LRP2: variants seen among roughly 807,000 people sequenced by gnomAD.
LRP2 encodes LDL receptor related protein 2, also known as low-density lipoprotein receptor-related protein 2.
Under a neutral mutation model 531.0 loss-of-function variants are expected in LRP2, and 172 were observed. The ratio of observed to expected loss-of-function variants is 0.32; its 90% CI spans 0.29 to 0.37. The LOEUF (loss-of-function observed/expected upper bound fraction) is 0.37. Among genes scored for constraint, LRP2 ranks in the 10% least tolerant of loss-of-function variants. The probability of loss-of-function intolerance (pLI) is 1.00; values close to 1 mark genes in which losing one functional copy is unlikely to be tolerated. For synonymous variants in LRP2, 1,992 were observed against 2,027.6 expected (o/e 0.98, Z 0.47); for missense variants, 5,167 against 5,868.3 (o/e 0.88, Z 3.90).
rs774569312 is a variant in LRP2, at chr2:169,139,385, TAGC to T, written c.13268-17_13268-15del. 12 of 1,613,988 alleles carry T rather than the reference TAGC, an allele frequency of 7.4e-6. No individual in the cohort carries two copies. Among genetic ancestry groups the T allele is most frequent in the African/African-American group, 2.7e-5 (2 of 74,896 alleles). Reference sequence around the variant, plus strand: ...CAGCTACTGCGGCTATAGAAGAAGATAGCAGAGAGCACATCAACACATGGGAGC... The same window carrying T: ...CAGCTACTGCGGCTATAGAAGAAGATAGAGAGCACATCAACACATGGGAGC... On this transcript the variant is annotated splice_polypyrimidine_tract_variant and intron_variant, in intron 73 of 78. Coordinates refer to ENST00000649046, the MANE Select transcript of LRP2 (RefSeq NM_004525.3).
intron 48 of LRP2, among the ~76,000 whole-genome samples, chr2:169,191,547 T>C (rs1687828061): frequency 6.6e-6 from 1 of 152,068 alleles, no homozygotes. Context: ...TAATTTTAAA[T>C]TGTTAATATG....
chr2:169,308,131 C>T (rs116738609), intron 3 of LRP2, among the ~76,000 whole-genome samples: 2,060 of 152,060 alleles, frequency 0.014, 52 homozygotes, highest in African/African-American at 0.048. Flanking sequence ...TGGGGGAAAA[C>T]GTGATCATCT....
Position 169,222,056 on chromosome 2 carries a change from A to G in LRP2, c.5539-1493T>C, listed in dbSNP as rs114027548. Among the ~76,000 whole-genome samples the G allele has an allele frequency of 7.8e-3, 1,188 of 152,308 alleles. 11 individuals are homozygous for G. Among genetic ancestry groups the G allele is most frequent in the African/African-American group, 0.027 (1,125 of 41,570 alleles). ...TTGGAGTTAAACACGAACTACTCTTAGGCAGGAAGGAATATTATACAGGTA... is the reference window on the plus strand; with the variant it reads ...TTGGAGTTAAACACGAACTACTCTTGGGCAGGAAGGAATATTATACAGGTA... On this transcript the variant is annotated intron_variant, in intron 33 of 78. Coordinates refer to ENST00000649046, the MANE Select transcript of LRP2 (RefSeq NM_004525.3).
chr2:169,314,672 T>C (rs962391873), intron 3 of LRP2, among the ~76,000 whole-genome samples: 1 of 152,232 alleles, frequency 6.6e-6, no homozygotes, highest in African/African-American at 2.4e-5. Context: ...AGCCTACTTC[T>C]AACACTAAAT....
At chr2:169,188,609 C>T (rs1687719835) in intron 48 of LRP2, among the ~76,000 whole-genome samples, 1 of 152,066 alleles carries the variant, frequency 6.6e-6, no homozygotes, top group African/African-American at 2.4e-5. Flanking sequence ...AGTTGATAAA[C>T]TAATTAAATA....
intron 16 of LRP2, among the ~76,000 whole-genome samples, chr2:169,266,392 C>T (rs958117162): frequency 6.6e-6 from 1 of 151,744 alleles, no homozygotes; most frequent in African/African-American, 2.4e-5. Context: ...GGAGGGTGGG[C>T]AATATGGTTT....
At chr2:169,196,847 G>A in intron 46 of LRP2, 64 bp downstream of exon 46, 1 of 1,608,918 alleles carries the variant, frequency 6.2e-7, no homozygotes, top group Non-Finnish European at 8.5e-7. Context: ...ATTTGAAGCA[G>A]TTGGAAGAGA....
chr2:169,144,942 T>G (rs940732632), intron 70 of LRP2, among the ~76,000 whole-genome samples: 1 of 152,198 alleles, frequency 6.6e-6, no homozygotes, highest in South Asian at 2.1e-4. Flanking sequence ...TTGGATAGAA[T>G]TGAACCTAAA....
At chr2:169,180,042 A>C (rs967155180) in intron 52 of LRP2, among the ~76,000 whole-genome samples, 3 of 152,200 alleles carry the variant, frequency 2.0e-5, no homozygotes, top group Admixed American at 6.5e-5. Flanking sequence ...AGTGAACAGA[A>C]TATTGTGTAA....
At chr2:169,326,051 T>TA (rs1685040357) in intron 1 of LRP2, among the ~76,000 whole-genome samples, 1 of 151,758 alleles carries the variant, frequency 6.6e-6, no homozygotes, top group Admixed American at 6.6e-5. Context: ...AAGCCACAAA[T>TA]AAATTCATAA....
intron 4 of LRP2, among the ~76,000 whole-genome samples, chr2:169,302,480 C>T (rs2105484427): frequency 6.6e-6 from 1 of 152,196 alleles, no homozygotes; most frequent in Non-Finnish European, 1.5e-5. Flanking sequence ...TTGACAACGT[C>T]CAGAGACATT....
chr2:169,343,530 G>A (rs1005017583), intron 1 of LRP2, among the ~76,000 whole-genome samples: 3 of 152,160 alleles, frequency 2.0e-5, no homozygotes, highest in Admixed American at 2.0e-4. Flanking sequence ...CAAGTGCCAG[G>A]ACCTTGCATG....
intron 52 of LRP2, among the ~76,000 whole-genome samples, chr2:169,178,954 AG>A (rs1284038336): frequency 4.6e-5 from 7 of 152,152 alleles, no homozygotes; most frequent in Non-Finnish European, 4.4e-5. Context: ...ATAAGGATGC[AG>A]GTAAATGACC....
chr2:169,195,364 T>C (rs1343186669), intron 46 of LRP2, among the ~76,000 whole-genome samples: 1 of 152,156 alleles, frequency 6.6e-6, no homozygotes, highest in Non-Finnish European at 1.5e-5. Context: ...TAAAGTAAGA[T>C]ATATAAAAGA....
At chr2:169,305,829 A>G (rs1289536044) in intron 4 of LRP2, among the ~76,000 whole-genome samples, 1 of 152,196 alleles carries the variant, frequency 6.6e-6, no homozygotes, top group Non-Finnish European at 1.5e-5. Context: ...CTATGTTTAC[A>G]TATGTTTAGC....
chr2:169,336,885 T>A (rs1685420224), intron 1 of LRP2, among the ~76,000 whole-genome samples: 1 of 152,066 alleles, frequency 6.6e-6, no homozygotes, highest in South Asian at 2.1e-4. Context: ...CTGGGAAGAG[T>A]TATGTTCACT....
At position 169,152,873 on chromosome 2, in the gene LRP2, A is replaced by G; in HGVS notation, c.12387T>C (p.Asn4129=). ...YIPNFESGRN[N]LVQEVDLKLK... ...GTTTCAGGTCAACTTCCTGCACAAG[A>G]TTATTGCGGCCGGATTCAAAGTTGG... Residue 4129 remains asparagine (N), a synonymous_variant, in exon 67 of 79, where the codon AAT becomes AAC. Transcript: ENST00000649046. The G allele has an allele frequency of 1.9e-6, 3 of 1,614,052 alleles. No individual in the cohort carries two copies. Among genetic ancestry groups the G allele is most frequent in the Non-Finnish European group, 2.5e-6 (3 of 1,179,944 alleles).
chr2:169,206,609 C>T lies in LRP2; in HGVS notation c.7111G>A (p.Ala2371Thr), dbSNP rs2105333018. 1 of 1,614,122 alleles carries T rather than the reference C, an allele frequency of 6.2e-7. No homozygotes were observed. The highest frequency in any genetic ancestry group is 8.5e-7 in the Non-Finnish European group (1 of 1,180,024). ...CCATCACTTTGCAGGGTCCCAAAGG[C>T]ACAGTCACATTTTGGGGTGTGCAAT... is the stretch of plus-strand genomic sequence containing the variant. Reference protein sequence around the residue: ...PGLHTPKCDCAFGTLQSDGKN... With the variant: ...PGLHTPKCDCTFGTLQSDGKN... The change falls in exon 39 of 79, where the codon GCC (alanine) becomes ACC (threonine). Residue 2371 changes from alanine (A) to threonine (T), a missense_variant. By Grantham distance (58) the Ala-to-Thr change is moderately conservative. Coordinates refer to ENST00000649046, the MANE Select transcript of LRP2 (RefSeq NM_004525.3).
At chr2:169,357,263 TTTC>T (rs1392270184) in intron 1 of LRP2, among the ~76,000 whole-genome samples, 1 of 136,506 alleles carries the variant, frequency 7.3e-6, no homozygotes, top group Non-Finnish European at 1.5e-5. Flanking sequence ...TCTACTTTCT[TTTC>T]TTTTTTTTTT....
Sources: gnomAD v4.1 joint callset for allele counts (sites outside exome capture counted in the v4.1 genomes callset) on GRCh38, gnomAD v4.1.1 for gene constraint, MANE v1.5 for transcripts, NCBI Gene and HGNC (gene_info 2026-07-23, HGNC 2026-07-21) for gene names.